C11orf65: variants seen among roughly 807,000 people sequenced by gnomAD.
C11orf65 encodes protein MFI.
In C11orf65, 38 loss-of-function variants were observed where a neutral mutation model predicts 35.3. The observed-to-expected ratio is 1.08, with a 90% CI of 0.83 to 1.41. The LOEUF (loss-of-function observed/expected upper bound fraction) is 1.41. C11orf65 is among the 40% of genes most tolerant of loss of function. The pLI, the probability that C11orf65 is intolerant of heterozygous loss-of-function variation, is 0.00. For synonymous variants in C11orf65, 105 were observed against 114.4 expected, an observed-to-expected ratio of 0.92 and a Z score of 0.53; for missense variants, 370 against 367.1, an observed-to-expected ratio of 1.01 and a Z score of -0.06.
intron 2 of C11orf65, among the ~76,000 whole-genome samples, chr11:108,342,192 G>A (rs867136853): frequency 3.3e-5 from 5 of 152,098 alleles, no homozygotes; most frequent in South Asian, 2.1e-4. Context: ...GAATCCAAAA[G>A]ATTGGACACC....
intron 2 of C11orf65, among the ~76,000 whole-genome samples, chr11:108,376,728 G>A (rs373371413): frequency 9.2e-4 from 140 of 152,058 alleles, no homozygotes; most frequent in South Asian, 4.2e-4. Flanking sequence ...TTAATAGACC[G>A]CTAGCAAGAC....
intron 2 of C11orf65, chr11:108,355,843 T>TAA (rs1392607666): frequency 6.6e-6 from 1 of 152,238 alleles, no homozygotes; most frequent in Non-Finnish European, 1.5e-5. Context: ...GGTGGGGCTT[T>TAA]ATCCCTTGGA....
chr11:108,345,536 C>G (rs893382351), intron 2 of C11orf65, among the ~76,000 whole-genome samples: 4 of 152,110 alleles, frequency 2.6e-5, no homozygotes, highest in Non-Finnish European at 5.9e-5. Flanking sequence ...AGGTGTGCTT[C>G]CTCCCCCAAC....
chr11:108,441,942 C>A (rs2093161104), intron 2 of C11orf65, among the ~76,000 whole-genome samples: 1 of 152,194 alleles, frequency 6.6e-6, no homozygotes, highest in Admixed American at 6.5e-5. Flanking sequence ...AGCTCCTTGC[C>A]AGCAACAGAA....
chr11:108,405,376 G>C, intron 6 of C11orf65, 53 bp downstream of exon 6: 1 of 1,579,010 alleles, frequency 6.3e-7, no homozygotes, highest in Non-Finnish European at 8.6e-7. Context: ...TTTCAAATTT[G>C]TTTTTTTCCC....
chr11:108,443,185 G>A (rs1436212559), intron 2 of C11orf65, among the ~76,000 whole-genome samples: 4 of 151,160 alleles, frequency 2.6e-5, no homozygotes, highest in Admixed American at 2.0e-4. Context: ...CCTAGCCTCT[G>A]ATAAAACAGA....
intron 2 of C11orf65, among the ~76,000 whole-genome samples, chr11:108,345,446 G>A (rs1446911895): frequency 6.6e-6 from 1 of 152,114 alleles, no homozygotes; most frequent in Non-Finnish European, 1.5e-5. Context: ...GAACTACTTA[G>A]GCATTTCTGT....
At chr11:108,425,448 G>A (rs1323532564) in intron 3 of C11orf65, among the ~76,000 whole-genome samples, 1 of 152,240 alleles carries the variant, frequency 6.6e-6, no homozygotes, top group African/African-American at 2.4e-5. Context: ...ACTAAACCAG[G>A]AAGAAGTCAA....
intron 6 of C11orf65, among the ~76,000 whole-genome samples, chr11:108,398,571 AGAAGAAGTAAAACGCAT>A (rs1377729491): frequency 6.6e-6 from 1 of 152,200 alleles, no homozygotes; most frequent in Non-Finnish European, 1.5e-5. Flanking sequence ...AACACAGGAA[AGAAGAAGTAAAACGCAT>A]ATTATTCTTC....
rs75959910 is a variant in C11orf65, at chr11:108,367,707, C to G, written c.226+25501G>C. 3,945 of 216,066 alleles carry G rather than the reference C, an allele frequency of 0.018. 110 individuals carry two copies. Among genetic ancestry groups the G allele is most frequent in the African/African-American group, 0.069 (3,065 of 44,428 alleles). The allele number at this position is 216,066 out of a possible 1,614,324, so 13.4% of individuals were successfully genotyped here. A position where few individuals can be genotyped will look rare whatever the true frequency, so the allele number is the denominator to read the frequency against. Reference sequence around the variant, plus strand: ...TGGCAGGCACTCATTCATATTTGATCTCCTCACCTTCCCCTCCCCTAAAAC... The same window carrying G: ...TGGCAGGCACTCATTCATATTTGATGTCCTCACCTTCCCCTCCCCTAAAAC... On this transcript the variant is annotated intron_variant, in intron 2 of 3. Transcript: ENST00000524755.
intron 2 of C11orf65, among the ~76,000 whole-genome samples, chr11:108,436,042 G>T (rs2093054806): frequency 6.6e-6 from 1 of 151,882 alleles, no homozygotes; most frequent in Admixed American, 6.6e-5. Context: ...TGTGATGAGG[G>T]AAAGACTTGA....
At chr11:108,440,690 A>G (rs1250091044) in intron 2 of C11orf65, among the ~76,000 whole-genome samples, 7 of 152,122 alleles carry the variant, frequency 4.6e-5, no homozygotes, top group Non-Finnish European at 7.4e-5. Flanking sequence ...GGCTGTTCTC[A>G]CTCAGAATGA....
intron 3 of C11orf65, among the ~76,000 whole-genome samples, chr11:108,430,780 C>T (rs1243168995): frequency 3.3e-5 from 5 of 151,702 alleles, no homozygotes; most frequent in East Asian, 2.0e-4. Flanking sequence ...AGGAGGTTAA[C>T]GCTGCAGTGA....
At chr11:108,414,348 AG>A (rs1318816477) in intron 3 of C11orf65, among the ~76,000 whole-genome samples, 3 of 152,080 alleles carry the variant, frequency 2.0e-5, no homozygotes, top group East Asian at 3.9e-4. Flanking sequence ...AAAATGGTGA[AG>A]GAAAAAAAAA....
chr11:108,451,398 C>T (rs913353171), intron 2 of C11orf65, among the ~76,000 whole-genome samples: 1 of 151,916 alleles, frequency 6.6e-6, no homozygotes, highest in African/African-American at 2.4e-5. Context: ...GAGTGAACTC[C>T]CATTCACAAT....
rs929023499 is a variant in C11orf65, at chr11:108,321,163, G to A, written c.641-12092C>T. On this transcript the variant is annotated intron_variant, in intron 6 of 6. Transcript: ENST00000525729. ...TGTATTTTGTTTCCACTGCTATTTT[G>A]TATTCACTGTTGCTTGTTAGTATTA... 5 of 1,130,732 alleles carry A rather than the reference G, an allele frequency of 4.4e-6. No individual in the cohort carries two copies. In the African/African-American group the frequency reaches 6.3e-5, roughly 14 times the overall value. The allele number at this position is 1,130,732 out of a possible 1,614,324, so 70.0% of individuals were successfully genotyped here.
chr11:108,396,875 A>AAATAAAT lies in C11orf65; in HGVS notation c.561-3498_561-3497insATTTATT, dbSNP rs1555162852. 6.5e-5 allele frequency among the ~76,000 whole-genome samples: 9 copies of AAATAAAT among 139,134 alleles called. No homozygotes were observed. The South Asian group carries it at 1.2e-3, about 18-fold the overall frequency. 91.3% of individuals were successfully genotyped at this position (139,134 alleles called of 152,430 possible). On this transcript the variant is annotated intron_variant, in intron 6 of 8. Coordinates refer to ENST00000393084, the MANE Select transcript of C11orf65 (RefSeq NM_152587.5). ...TAAATAAATAAATAAATAAATAAAT[A>AAATAAAT]AAATAAAATAGTTACTATTATAATT... is the stretch of plus-strand genomic sequence containing the variant.
In C11orf65 at chr11:108,461,463, T is replaced by G. The variant is rs766075796; in HGVS notation, c.81+16A>C. The G allele has an allele frequency of 1.9e-6, 3 of 1,569,704 alleles. No homozygotes were observed. Among genetic ancestry groups the G allele is most frequent in the Non-Finnish European group, 2.6e-6 (3 of 1,148,168 alleles). On this transcript the variant is annotated intron_variant, in intron 2 of 8. Coordinates refer to ENST00000393084, the MANE Select transcript of C11orf65 (RefSeq NM_152587.5). ...CATAAAAATTATATTTCAATAAAAC[T>G]TCTAAATAAACTCACAAGGAAACTT...
chr11:108,333,849 C>G (rs757420730), intron 3 of C11orf65: 2 of 1,491,588 alleles, frequency 1.3e-6, no homozygotes, highest in Non-Finnish European at 1.9e-6. Context: ...TGCTGTTCCT[C>G]AGTTTGTCAC....
Sources: gnomAD v4.1 joint callset for allele counts (sites outside exome capture counted in the v4.1 genomes callset) on GRCh38, gnomAD v4.1.1 for gene constraint, MANE v1.5 for transcripts, NCBI Gene and HGNC (gene_info 2026-07-23, HGNC 2026-07-21) for gene names.